ENOX1: variants seen among roughly 807,000 people sequenced by gnomAD.
The protein encoded by ENOX1 is ecto-NOX disulfide-thiol exchanger 1.
Under a neutral mutation model 82.5 loss-of-function variants are expected in ENOX1, and 42 were observed. The ratio of observed to expected loss-of-function variants is 0.51; its 90% CI spans 0.40 to 0.66. The LOEUF (loss-of-function observed/expected upper bound fraction) is 0.66, where lower values mean the gene tolerates loss of function less well. ENOX1 is among the 30% of genes least tolerant of loss of function. ENOX1 has a pLI of 0.00. For synonymous variants in ENOX1, 271 were observed against 282.2 expected, an observed-to-expected ratio of 0.96 and a Z score of 0.40; for missense variants, 608 against 811.6, an observed-to-expected ratio of 0.75 and a Z score of 3.05.
At chr13:43,543,903 TTTTC>T (rs949680543) in intron 2 of ENOX1, 1 of 144,336 alleles carries the variant, frequency 6.9e-6, no homozygotes, top group African/African-American at 2.6e-5. Context: ...TTATTGTCTT[TTTTC>T]TTTTTCTTTT....
chr13:43,398,575 C>G (rs1440293896), intron 5 of ENOX1, among the ~76,000 whole-genome samples: 1 of 152,084 alleles, frequency 6.6e-6, no homozygotes, highest in Non-Finnish European at 1.5e-5. Flanking sequence ...CCACTTATCA[C>G]CAATTTTCTT....
chr13:43,732,906 C>T (rs17461155), intron 1 of ENOX1, among the ~76,000 whole-genome samples: 7,841 of 152,262 alleles, frequency 0.051, 277 homozygotes, highest in Non-Finnish European at 0.077. Context: ...ATGTCAGTGC[C>T]CATGTTGCAG....
intron 2 of ENOX1, among the ~76,000 whole-genome samples, chr13:43,588,258 A>T (rs1286329643): frequency 6.6e-6 from 1 of 152,210 alleles, no homozygotes; most frequent in African/African-American, 2.4e-5. Flanking sequence ...ACATTATCTT[A>T]TTAAAGCAAA....
At chr13:43,309,624 T>C (rs949272413) in intron 11 of ENOX1, among the ~76,000 whole-genome samples, 6 of 152,314 alleles carry the variant, frequency 3.9e-5, no homozygotes, top group South Asian at 2.1e-4. Context: ...TCCCCAGAGT[T>C]CGAGTGCCAC....
At chr13:43,397,193 T>A (rs1392802983) in intron 5 of ENOX1, among the ~76,000 whole-genome samples, 1 of 152,258 alleles carries the variant, frequency 6.6e-6, no homozygotes, top group Non-Finnish European at 1.5e-5. Context: ...TTTTCCTCTA[T>A]TATTTTTCTA....
At chr13:43,412,577 T>G (rs1384638659) in intron 4 of ENOX1, among the ~76,000 whole-genome samples, 1 of 152,200 alleles carries the variant, frequency 6.6e-6, no homozygotes, top group Non-Finnish European at 1.5e-5. Flanking sequence ...AATACAGGTG[T>G]CTACCTAACG....
At chr13:43,546,607 TC>T (rs1364851188) in intron 2 of ENOX1, 1 of 152,162 alleles carries the variant, frequency 6.6e-6, no homozygotes, top group Non-Finnish European at 1.5e-5. Context: ...ATCCATATCT[TC>T]CAGAGCTCTG....
intron 10 of ENOX1, among the ~76,000 whole-genome samples, chr13:43,324,063 A>G (rs2047966116): frequency 6.6e-6 from 1 of 152,144 alleles, no homozygotes; most frequent in Admixed American, 6.5e-5. Flanking sequence ...TCCTAATTTG[A>G]TTATGCCACC....
At chr13:43,676,605 T>C (rs1359198329) in intron 1 of ENOX1, among the ~76,000 whole-genome samples, 1 of 152,120 alleles carries the variant, frequency 6.6e-6, no homozygotes, top group Non-Finnish European at 1.5e-5. Context: ...TCCTCTCTGC[T>C]GCTTTTCTCT....
intron 6 of ENOX1, 62 bp from the exon 7 acceptor site, chr13:43,360,119 T>C (rs2050404509): frequency 6.7e-7 from 1 of 1,485,282 alleles, no homozygotes; most frequent in Non-Finnish European, 9.3e-7. Flanking sequence ...CTGGTTCTCC[T>C]GGCAAAACTA....
At chr13:43,600,884 T>A (rs2081682373) in intron 2 of ENOX1, among the ~76,000 whole-genome samples, 1 of 152,180 alleles carries the variant, frequency 6.6e-6, no homozygotes, top group Non-Finnish European at 1.5e-5. Flanking sequence ...AGTCTCTGCC[T>A]GGTAATCCAG....
At chr13:43,778,858 G>T (rs76886014) in intron 1 of ENOX1, among the ~76,000 whole-genome samples, 3,188 of 152,258 alleles carry the variant, frequency 0.021, 121 homozygotes, top group African/African-American at 0.073. Context: ...AACAGGACGA[G>T]GTGGAGGGCT....
At chr13:43,337,847 G>A (rs1401424589) in intron 9 of ENOX1, among the ~76,000 whole-genome samples, 1 of 152,106 alleles carries the variant, frequency 6.6e-6, no homozygotes, top group Non-Finnish European at 1.5e-5. Flanking sequence ...AGCCTCTCAC[G>A]TCTGCTCTCT....
chr13:43,252,404 GTGC>G (rs2043510447), intron 14 of ENOX1, among the ~76,000 whole-genome samples: 1 of 152,216 alleles, frequency 6.6e-6, no homozygotes, highest in Non-Finnish European at 1.5e-5. Flanking sequence ...ACCTGGCAAG[GTGC>G]TGCTGCCCAG....
chr13:43,569,543 G>A (rs867949751), intron 2 of ENOX1, among the ~76,000 whole-genome samples: 1 of 152,034 alleles, frequency 6.6e-6, no homozygotes, highest in Non-Finnish European at 1.5e-5. Context: ...GAGACTCCCA[G>A]TGACACTCTC....
chr13:43,278,655 C>T (rs2045202962), intron 12 of ENOX1, among the ~76,000 whole-genome samples: 1 of 152,162 alleles, frequency 6.6e-6, no homozygotes, highest in Non-Finnish European at 1.5e-5. Context: ...ACATCAGAGA[C>T]ACAATACTTG....
At chr13:43,426,421 A>T (rs543239231) in intron 3 of ENOX1, among the ~76,000 whole-genome samples, 1 of 152,320 alleles carries the variant, frequency 6.6e-6, no homozygotes, top group South Asian at 2.1e-4. Flanking sequence ...TACTATTTTC[A>T]CAGCTAGATG....
At chr13:43,426,343 T>G (rs2055299182) in intron 3 of ENOX1, among the ~76,000 whole-genome samples, 1 of 152,204 alleles carries the variant, frequency 6.6e-6, no homozygotes, top group Admixed American at 6.5e-5. Flanking sequence ...TTTTATTATT[T>G]ATAAAAAAGA....
intron 5 of ENOX1, among the ~76,000 whole-genome samples, chr13:43,411,351 T>G (rs9594935): frequency 0.15 from 22,860 of 152,216 alleles, 2,332 homozygotes; most frequent in East Asian, 0.52. Context: ...ACTTTTGACT[T>G]TGTGGTATTT....
Sources: allele counts gnomAD v4.1 joint callset (sites outside exome capture counted in the v4.1 genomes callset), GRCh38; gene constraint gnomAD v4.1.1; transcripts MANE v1.5; gene names NCBI Gene and HGNC (gene_info 2026-07-23, HGNC 2026-07-21).